PIP4K2A: variants seen among roughly 807,000 people sequenced by gnomAD.
PIP4K2A encodes the protein phosphatidylinositol 5-phosphate 4-kinase type-2 alpha.
A neutral mutation model predicts 42.9 loss-of-function variants in PIP4K2A; 14 were observed. That is an observed-to-expected ratio of 0.33 (90% CI 0.22 to 0.51). The LOEUF (loss-of-function observed/expected upper bound fraction) is 0.51. Among genes scored for constraint, PIP4K2A ranks in the 20% least tolerant of loss-of-function variants. The pLI is 0.97. For missense variants in PIP4K2A, 434 were observed against 519.8 expected, an observed-to-expected ratio of 0.83 and a Z score of 1.61; for synonymous variants, 192 against 192.2, an observed-to-expected ratio of 1.00 and a Z score of 0.01.
intron 1 of PIP4K2A, among the ~76,000 whole-genome samples, chr10:22,667,973 A>G (rs1269891847): frequency 6.6e-6 from 1 of 151,210 alleles, no homozygotes; most frequent in African/African-American, 2.4e-5. Flanking sequence ...AGAAAGACAG[A>G]CAGAGTCTCA....
intron 1 of PIP4K2A, chr10:22,694,752 T>C (rs1839937282): frequency 1.3e-5 from 2 of 152,372 alleles, no homozygotes; most frequent in Middle Eastern, 6.8e-3. Flanking sequence ...AGAGATGTGC[T>C]TTTGTATCTT....
intron 6 of PIP4K2A, among the ~76,000 whole-genome samples, chr10:22,555,772 C>A (rs891587195): frequency 4.0e-5 from 6 of 148,220 alleles, no homozygotes; most frequent in African/African-American, 7.6e-5. Context: ...AAAAAAAAAA[C>A]AATTTATGAT....
chr10:22,704,739 G>A (rs1323435545), intron 1 of PIP4K2A, among the ~76,000 whole-genome samples: 1 of 151,774 alleles, frequency 6.6e-6, no homozygotes, highest in South Asian at 2.1e-4. Context: ...TGCTGTTACT[G>A]TAGTTTATTT....
At chr10:22,618,137 G>C (rs372093742) in intron 1 of PIP4K2A, among the ~76,000 whole-genome samples, 98 of 152,258 alleles carry the variant, frequency 6.4e-4, no homozygotes, top group Admixed American at 1.4e-3. Flanking sequence ...ATGGATGCTC[G>C]CTAGGTTCAC....
At chr10:22,671,640 G>C (rs912255882) in intron 1 of PIP4K2A, among the ~76,000 whole-genome samples, 1 of 151,918 alleles carries the variant, frequency 6.6e-6, no homozygotes, top group African/African-American at 2.4e-5. Flanking sequence ...CAGATCTAGG[G>C]GGCCCTCTCA....
chr10:22,664,051 A>G (rs1212609402), intron 1 of PIP4K2A, among the ~76,000 whole-genome samples: 3 of 88,940 alleles, frequency 3.4e-5, no homozygotes, highest in Non-Finnish European at 2.1e-5. Context: ...ATATATACAT[A>G]TGTATATATA....
chr10:22,591,719 A>G lies in PIP4K2A; in HGVS notation c.402T>C (p.Phe134=), dbSNP rs746522040. The change falls in exon 4 of 10, where the codon TTT becomes TTC. Residue 134 remains phenylalanine (F), a synonymous_variant. Coordinates refer to ENST00000376573, the MANE Select transcript of PIP4K2A (RefSeq NM_005028.5). ...NDSQARSGAR[F]HTSYDKRYII... ...TGTATCTTTTGTCGTAGGAAGTGTG[A>G]AAACGAGCTCCACTGCGGGCCTGGG... 14 of 1,613,652 alleles carry G rather than the reference A, an allele frequency of 8.7e-6. 1 individual carries two copies. The East Asian group carries it at 3.1e-4, about 36-fold the overall frequency.
chr10:22,593,568 A>C (rs1441272744), intron 3 of PIP4K2A, among the ~76,000 whole-genome samples: 1 of 152,240 alleles, frequency 6.6e-6, no homozygotes, highest in Non-Finnish European at 1.5e-5. Context: ...ACTTAGAACA[A>C]AAAGGAAGAA....
intron 1 of PIP4K2A, among the ~76,000 whole-genome samples, chr10:22,670,858 A>G (rs1310820788): frequency 6.6e-6 from 1 of 152,186 alleles, no homozygotes; most frequent in East Asian, 1.9e-4. Context: ...AAAAACGGCA[A>G]ATGTAAGTGT....
chr10:22,582,689 AAAAGGAAAGGG>A (rs1396412883), intron 4 of PIP4K2A, among the ~76,000 whole-genome samples: 1 of 152,156 alleles, frequency 6.6e-6, no homozygotes, highest in Non-Finnish European at 1.5e-5. Context: ...CACATGAAAG[AAAAGGAAAGGG>A]AAAGGAAGGG....
At chr10:22,647,323 T>TGTGTGTGTGTGTGTGC (rs57033464) in intron 1 of PIP4K2A, among the ~76,000 whole-genome samples, 1 of 86,606 alleles carries the variant, frequency 1.2e-5, no homozygotes, top group Admixed American at 9.7e-5. Flanking sequence ...TGTGTGTGTG[T>TGTGTGTGTGTGTGTGC]ATGTGTGTGT....
At chr10:22,655,358 G>C (rs1028215725) in intron 1 of PIP4K2A, among the ~76,000 whole-genome samples, 3 of 152,142 alleles carry the variant, frequency 2.0e-5, no homozygotes, top group African/African-American at 7.2e-5. Context: ...TGGAGCCCTC[G>C]GCAGGAGGTG....
intron 4 of PIP4K2A, among the ~76,000 whole-genome samples, chr10:22,573,804 T>C (rs1014288683): frequency 1.3e-5 from 2 of 152,232 alleles, no homozygotes; most frequent in African/African-American, 4.8e-5. Context: ...AGCGCCTCTG[T>C]CTTCTACCCC....
At chr10:22,652,720 T>C (rs1301466395) in intron 1 of PIP4K2A, among the ~76,000 whole-genome samples, 3 of 152,198 alleles carry the variant, frequency 2.0e-5, no homozygotes, top group Non-Finnish European at 4.4e-5. Flanking sequence ...AGTTAAGAAA[T>C]GTTATGTTCT....
intron 1 of PIP4K2A, among the ~76,000 whole-genome samples, chr10:22,641,109 C>A (rs1461006151): frequency 1.3e-5 from 2 of 152,164 alleles, no homozygotes; most frequent in Non-Finnish European, 2.9e-5. Context: ...GTTGTAGAGT[C>A]TATTATATCC....
intron 6 of PIP4K2A, among the ~76,000 whole-genome samples, chr10:22,561,695 T>TGG (rs1041971999): frequency 2.7e-5 from 4 of 150,332 alleles, no homozygotes; most frequent in African/African-American, 9.8e-5. Flanking sequence ...CCCATGTAGC[T>TGG]GGGGCCACAA....
intron 1 of PIP4K2A, among the ~76,000 whole-genome samples, chr10:22,653,230 T>C (rs940939290): frequency 6.6e-6 from 1 of 151,796 alleles, no homozygotes; most frequent in African/African-American, 2.4e-5. Context: ...ATGGAAAAGG[T>C]GAAAACTCCT....
chr10:22,630,344 CCATAACAGTTTAATCAT>C (rs1838523544), intron 1 of PIP4K2A, among the ~76,000 whole-genome samples: 1 of 124,550 alleles, frequency 8.0e-6, no homozygotes, highest in African/African-American at 5.6e-5. Context: ...CTGATGATCA[CCATAACAGTTTAATCAT>C]GTGGTTTATA....
rs572743031 is a variant in PIP4K2A, at chr10:22,643,754, C to T, written c.145-34037G>A. Among the ~76,000 whole-genome samples, 4 of 152,226 alleles carry T rather than the reference C, an allele frequency of 2.6e-5. No individual in the cohort carries two copies. In the South Asian group the frequency reaches 8.3e-4, roughly 32 times the overall value. On this transcript the variant is annotated intron_variant, in intron 1 of 9. Transcript: ENST00000376573. The stretch of plus-strand genomic sequence containing the variant: ...AGTATTTTTTTCTTCTGCGCAGGAA[C>T]CACAGAACCAGAAGATGGGGTAGGT...
Sources: gnomAD v4.1 joint callset for allele counts (sites outside exome capture counted in the v4.1 genomes callset) on GRCh38, gnomAD v4.1.1 for gene constraint, MANE v1.5 for transcripts, NCBI Gene and HGNC (gene_info 2026-07-23, HGNC 2026-07-21) for gene names.